The following LHPP variants were observed in gnomAD, a reference collection of about 807,000 sequenced individuals.
The protein encoded by LHPP is phospholysine phosphohistidine inorganic pyrophosphate phosphatase.
Under a neutral mutation model 30.3 loss-of-function variants are expected in LHPP, and 24 were observed. That is an observed-to-expected ratio of 0.79 (90% CI 0.57 to 1.11). LHPP has a LOEUF of 1.11. Among genes scored for constraint, LHPP ranks in the 50% most tolerant of loss-of-function variants. The pLI is 0.00. For missense variants in LHPP, 356 were observed against 367.2 expected, an observed-to-expected ratio of 0.97 and a Z score of 0.25; for synonymous variants, 150 against 157.1, an observed-to-expected ratio of 0.95 and a Z score of 0.34.
chr10:124,484,338 G>A lies in LHPP; in HGVS notation c.313+12G>A, dbSNP rs74160913. 34,445 of 1,604,716 alleles carry A rather than the reference G, an allele frequency of 0.021. 578 individuals are homozygous for A. Among genetic ancestry groups the A allele is most frequent in the African/African-American group, 0.071 (5,289 of 74,808 alleles). On this transcript the variant is annotated intron_variant, in intron 2 of 6. Transcript: ENST00000368842. ...GCTCATCCATGACGGTAGGCCTGTC[G>A]GACACCAGGACCTCACGGGGGTGAA...
chr10:124,462,205 TCAGA>T (rs1952424370), intron 1 of LHPP, among the ~76,000 whole-genome samples: 1 of 152,050 alleles, frequency 6.6e-6, no homozygotes, highest in Non-Finnish European at 1.5e-5. Context: ...GGCTGCGCGG[TCAGA>T]CAGGGCGGCC....
At chr10:124,544,045 C>T (rs1042793488) in intron 6 of LHPP, among the ~76,000 whole-genome samples, 25 of 152,360 alleles carry the variant, frequency 1.6e-4, no homozygotes, top group African/African-American at 5.3e-4. Flanking sequence ...CCAGAGCTGC[C>T]GCACCCTGGC....
intron 1 of LHPP, among the ~76,000 whole-genome samples, chr10:124,467,309 C>T (rs1023381413): frequency 2.9e-5 from 4 of 136,548 alleles, no homozygotes; most frequent in African/African-American, 2.8e-5. Context: ...TGCGGACATA[C>T]GGGGTATTGT....
intron 6 of LHPP, among the ~76,000 whole-genome samples, chr10:124,564,570 C>T (rs186183507): frequency 2.7e-4 from 41 of 152,180 alleles, no homozygotes; most frequent in African/African-American, 7.7e-4. Flanking sequence ...TGTCATTTAG[C>T]GGTCTGTCTG....
intron 6 of LHPP, among the ~76,000 whole-genome samples, chr10:124,529,249 A>G (rs1209392976): frequency 6.6e-6 from 1 of 151,794 alleles, no homozygotes; most frequent in African/African-American, 2.4e-5. Context: ...GTTAGCCAGG[A>G]TGGTCTCAAT....
chr10:124,469,281 G>A (rs772755926), intron 1 of LHPP, among the ~76,000 whole-genome samples: 5 of 152,098 alleles, frequency 3.3e-5, no homozygotes, highest in African/African-American at 1.2e-4. Context: ...AGCATCGTCC[G>A]TTCTCTGAGC....
intron 6 of LHPP, among the ~76,000 whole-genome samples, chr10:124,537,866 T>A (rs1955069404): frequency 2.0e-5 from 3 of 152,264 alleles, no homozygotes; most frequent in African/African-American, 7.2e-5. Flanking sequence ...TGTGTGGGTC[T>A]GTGCCCCTTT....
intron 6 of LHPP, among the ~76,000 whole-genome samples, chr10:124,557,450 G>A (rs981886962): frequency 5.3e-5 from 8 of 152,206 alleles, no homozygotes; most frequent in Non-Finnish European, 7.3e-5. Context: ...AAGGGAACTC[G>A]GGCGCACTAG....
rs147894908 is a variant in LHPP at position 124,509,397 on chromosome 10, C to T, written c.625-7783C>T. Among the ~76,000 whole-genome samples the T allele has an allele frequency of 2.6e-5, 4 of 152,210 alleles. No homozygotes were observed. The East Asian group carries it at 7.7e-4, about 29-fold the overall frequency. On this transcript the variant is annotated intron_variant, in intron 5 of 6. Transcript: ENST00000368842. ...TGAACACATCTTGTATGTACATCCT[C>T]TTGTACATTTCTAATTATTTGCTCC...
chr10:124,474,377 G>C (rs1393104128), intron 1 of LHPP, among the ~76,000 whole-genome samples: 1 of 151,832 alleles, frequency 6.6e-6, no homozygotes, highest in Non-Finnish European at 1.5e-5. Flanking sequence ...AGAGCTCAAC[G>C]GATCTGCCCA....
intron 6 of LHPP, among the ~76,000 whole-genome samples, chr10:124,578,968 G>T (rs34635407): frequency 0.13 from 20,369 of 152,222 alleles, 1,844 homozygotes; most frequent in Non-Finnish European, 0.2. Context: ...ACGGACGGGG[G>T]GGTCCGCTGT....
chr10:124,572,645 A>AGGCAAGAAAG (rs112295097), intron 6 of LHPP, among the ~76,000 whole-genome samples: 1 of 17,870 alleles, frequency 5.6e-5, no homozygotes, highest in Non-Finnish European at 1.1e-4. Flanking sequence ...AAAGAAAGAA[A>AGGCAAGAAAG]GTAAGAAAGG....
chr10:124,507,111 G>GGA (rs1954132784), intron 5 of LHPP, among the ~76,000 whole-genome samples: 1 of 81,662 alleles, frequency 1.2e-5, no homozygotes, highest in Non-Finnish European at 2.5e-5. Context: ...TTCAGGTGCA[G>GGA]GGGTAGACAG....
At chr10:124,559,524 C>A (rs1396698029) in intron 6 of LHPP, among the ~76,000 whole-genome samples, 1 of 152,246 alleles carries the variant, frequency 6.6e-6, no homozygotes, top group Non-Finnish European at 1.5e-5. Context: ...AGTCACATCA[C>A]AAGTTGTGTG....
intron 6 of LHPP, among the ~76,000 whole-genome samples, chr10:124,533,891 G>C (rs576632198): frequency 1.2e-3 from 178 of 152,362 alleles, no homozygotes; most frequent in African/African-American, 4.1e-3. Context: ...AGTGGGATAT[G>C]GAATGCAGGG....
At chr10:124,606,842 G>A (rs7907954) in intron 6 of LHPP, among the ~76,000 whole-genome samples, 112,057 of 152,142 alleles carry the variant, frequency 0.74, 41,458 homozygotes, top group Non-Finnish European at 0.74. Context: ...ACACAGAACC[G>A]TGGGGGCAGC....
chr10:124,463,034 AT>A (rs1447161097), intron 1 of LHPP, among the ~76,000 whole-genome samples: 1 of 151,942 alleles, frequency 6.6e-6, no homozygotes, highest in African/African-American at 2.4e-5. Context: ...CACCCGGCTA[AT>A]TTTTTGTATT....
intron 6 of LHPP, among the ~76,000 whole-genome samples, chr10:124,605,926 G>A (rs1467130671): frequency 2.6e-5 from 4 of 152,072 alleles, no homozygotes; most frequent in African/African-American, 7.2e-5. Context: ...TGTGGGTTCC[G>A]GTGGTTAAGG....
intron 6 of LHPP, among the ~76,000 whole-genome samples, chr10:124,553,594 G>A (rs962739159): frequency 1.3e-5 from 2 of 151,920 alleles, no homozygotes. Context: ...GAGTAGCTGG[G>A]ACTACAGGTG....
Sources: gnomAD v4.1 joint callset for allele counts (sites outside exome capture counted in the v4.1 genomes callset) on GRCh38, gnomAD v4.1.1 for gene constraint, MANE v1.5 for transcripts, NCBI Gene and HGNC (gene_info 2026-07-23, HGNC 2026-07-21) for gene names.